Variants in ARF4 observed in about 807,000 individuals in gnomAD.
ARF4 encodes ADP-ribosylation factor 4.
In ARF4, 5 loss-of-function variants were observed where a neutral mutation model predicts 24.3. The observed-to-expected ratio is 0.21, with a 90% confidence interval of 0.11 to 0.43. The LOEUF (loss-of-function observed/expected upper bound fraction) is 0.43, where lower values mean the gene tolerates loss of function less well. Among genes scored for constraint, ARF4 ranks in the 20% least tolerant of loss-of-function variants. The pLI is 1.00. For missense variants in ARF4, 107 were observed against 213.0 expected, an observed-to-expected ratio of 0.50 and a Z score of 3.10; for synonymous variants, 62 against 73.5, an observed-to-expected ratio of 0.84 and a Z score of 0.80.
intron 3 of ARF4, among the ~76,000 whole-genome samples, chr3:57,579,490 G>A (rs1232783884): frequency 4.0e-5 from 6 of 151,868 alleles, no homozygotes; most frequent in Non-Finnish European, 4.4e-5. Context: ...ATTTTACTAT[G>A]TTGGCCAGGT....
At chr3:57,583,446 C>T (rs184786898) in intron 3 of ARF4, among the ~76,000 whole-genome samples, 128 of 152,242 alleles carry the variant, frequency 8.4e-4, no homozygotes, top group Non-Finnish European at 1.4e-3. Context: ...TATATACATA[C>T]TATGTGGCAA....
At position 57,572,090 on chromosome 3, in the gene ARF4, T is replaced by A; in HGVS notation, c.*122A>T. ...AAACAATAATTGGCAACAAAATAAG[T>A]TTAATATTCTGCCCAAACCAGTCCC... On this transcript the variant is annotated 3_prime_UTR_variant, in exon 6 of 6. Transcript: ENST00000303436. 1 of 712,724 alleles carries A rather than the reference T, an allele frequency of 1.4e-6. No homozygotes were observed. Among genetic ancestry groups the A allele is most frequent in the Non-Finnish European group, 2.4e-6 (1 of 412,774 alleles). 44.1% of individuals were successfully genotyped at this position (712,724 alleles called of 1,614,324 possible). A position where few individuals can be genotyped will look rare whatever the true frequency, so the allele number is the denominator to read the frequency against.
At chr3:57,593,790 C>T (rs566196397) in intron 1 of ARF4, among the ~76,000 whole-genome samples, 1 of 152,152 alleles carries the variant, frequency 6.6e-6, no homozygotes, top group Non-Finnish European at 1.5e-5. Flanking sequence ...AACCCTAGCA[C>T]TTTTCGAGGC....
rs2069997723 is a variant in ARF4, at chr3:57,583,252, T to C, written c.258+646A>G. ...CAAATACCCAGGTGATTGATATGCATATTAAAGTTTAAGAAACACTACTGT... is the reference window on the plus strand; with the variant it reads ...CAAATACCCAGGTGATTGATATGCACATTAAAGTTTAAGAAACACTACTGT... On this transcript the variant is annotated intron_variant, in intron 3 of 5. Transcript: ENST00000303436. 2.0e-5 allele frequency among the ~76,000 whole-genome samples: 3 copies of C among 152,308 alleles called. No homozygotes were observed. In the South Asian group the frequency reaches 6.2e-4, roughly 32 times the overall value.
At chr3:57,594,773 T>G (rs556920728) in intron 1 of ARF4, among the ~76,000 whole-genome samples, 3 of 152,212 alleles carry the variant, frequency 2.0e-5, no homozygotes, top group Non-Finnish European at 4.4e-5. Context: ...ACATTAATAA[T>G]TCCAACAGTT....
intron 1 of ARF4, among the ~76,000 whole-genome samples, chr3:57,593,659 A>T (rs1409671693): frequency 6.6e-6 from 1 of 152,226 alleles, no homozygotes; most frequent in African/African-American, 2.4e-5. Flanking sequence ...ACACATTAGT[A>T]TTTTTGGATA....
intron 1 of ARF4, among the ~76,000 whole-genome samples, chr3:57,594,084 C>T (rs1368670797): frequency 1.3e-5 from 2 of 151,966 alleles, no homozygotes; most frequent in Non-Finnish European, 2.9e-5. Context: ...GGTGAAACCC[C>T]GTCTCTACTA....
chr3:57,581,825 G>A (rs922115447), intron 3 of ARF4, among the ~76,000 whole-genome samples: 1 of 152,132 alleles, frequency 6.6e-6, no homozygotes, highest in East Asian at 1.9e-4. Context: ...AGAGGGTAGA[G>A]CACATTAGAG....
At chr3:57,590,605 G>C (rs575169800) in intron 1 of ARF4, among the ~76,000 whole-genome samples, 3 of 152,312 alleles carry the variant, frequency 2.0e-5, no homozygotes, top group African/African-American at 7.2e-5. Context: ...GATTTTTCAT[G>C]TTTTCCTTTA....
chr3:57,586,350 A>G (rs1194012790), intron 1 of ARF4, among the ~76,000 whole-genome samples: 2 of 152,236 alleles, frequency 1.3e-5, no homozygotes, highest in Non-Finnish European at 2.9e-5. Flanking sequence ...GTTAAAAAAG[A>G]GCTGAAATTA....
chr3:57,574,763 C>T (rs895269730), intron 5 of ARF4, among the ~76,000 whole-genome samples: 1 of 152,094 alleles, frequency 6.6e-6, no homozygotes, highest in African/African-American at 2.4e-5. Context: ...TGGCTGGAAT[C>T]CCAGCGCTTT....
At chr3:57,587,581 A>G (rs2070054799) in intron 1 of ARF4, among the ~76,000 whole-genome samples, 1 of 152,098 alleles carries the variant, frequency 6.6e-6, no homozygotes, top group Admixed American at 6.6e-5. Context: ...AAATTGTCCA[A>G]GCAGATTTTT....
At chr3:57,593,565 A>C (rs567714310) in intron 1 of ARF4, among the ~76,000 whole-genome samples, 33 of 152,326 alleles carry the variant, frequency 2.2e-4, no homozygotes, top group African/African-American at 7.2e-4. Flanking sequence ...AAACTTTTTA[A>C]AAGTAACACT....
At chr3:57,584,868 G>A (rs1193767857) in intron 1 of ARF4, among the ~76,000 whole-genome samples, 10 of 151,820 alleles carry the variant, frequency 6.6e-5, no homozygotes, top group African/African-American at 2.4e-4. Context: ...GGGGTGGAGG[G>A]GCAGGGGAGC....
chr3:57,575,416 A>T, intron 5 of ARF4, 132 bp downstream of exon 5: 3 of 927,994 alleles, frequency 3.2e-6, no homozygotes, highest in Non-Finnish European at 4.3e-6. Flanking sequence ...TTATTACCAT[A>T]TTTTTAAATA....
chr3:57,572,819 T>G (rs1024569231), intron 5 of ARF4, among the ~76,000 whole-genome samples: 1 of 152,170 alleles, frequency 6.6e-6, no homozygotes, highest in African/African-American at 2.4e-5. Flanking sequence ...ATGGGGAAAT[T>G]AGTAACTAAT....
At chr3:57,578,636 C>T (rs1000042127) in intron 3 of ARF4, among the ~76,000 whole-genome samples, 41 of 152,014 alleles carry the variant, frequency 2.7e-4, no homozygotes, top group African/African-American at 9.9e-4. Context: ...CGTGCCACCA[C>T]ACCTAGCTAA....
At chr3:57,588,979 G>A (rs539829030) in intron 1 of ARF4, among the ~76,000 whole-genome samples, 17 of 152,290 alleles carry the variant, frequency 1.1e-4, no homozygotes, top group East Asian at 5.8e-4. Context: ...GCACATGCCT[G>A]TAATCCCAGC....
chr3:57,576,016 TC>T (rs2069898331), intron 4 of ARF4, among the ~76,000 whole-genome samples: 1 of 152,208 alleles, frequency 6.6e-6, no homozygotes, highest in South Asian at 2.1e-4. Context: ...TATGGCAGGT[TC>T]TTATGGTACT....
Sources: allele counts gnomAD v4.1 joint callset (sites outside exome capture counted in the v4.1 genomes callset), GRCh38; gene constraint gnomAD v4.1.1; transcripts MANE v1.5; gene names NCBI Gene and HGNC (gene_info 2026-07-23, HGNC 2026-07-21).